Variants in METTL8 observed in about 807,000 individuals in gnomAD.
METTL8 encodes methyltransferase 8, tRNA N3-cytidine.
METTL8 carries 32 observed loss-of-function variants against 48.7 expected under a neutral mutation model. That is an observed-to-expected ratio of 0.66 (90% CI 0.50 to 0.88). The LOEUF (loss-of-function observed/expected upper bound fraction) is 0.88. Ranked by LOEUF, METTL8 falls within the 40% of genes least tolerant of loss-of-function variation. The pLI is 0.00. For synonymous variants in METTL8, 136 were observed against 157.1 expected, an observed-to-expected ratio of 0.87 and a Z score of 1.01; for missense variants, 464 against 474.4, an observed-to-expected ratio of 0.98 and a Z score of 0.20.
intron 2 of METTL8, among the ~76,000 whole-genome samples, chr2:171,388,417 C>A (rs917866378): frequency 9.9e-5 from 15 of 152,220 alleles, no homozygotes; most frequent in Admixed American, 8.5e-4. Flanking sequence ...GTCATTCCAA[C>A]CTTATCTTTC....
intron 1 of METTL8, among the ~76,000 whole-genome samples, chr2:171,403,997 T>C (rs1233880180): frequency 1.4e-5 from 2 of 140,054 alleles, no homozygotes; most frequent in African/African-American, 5.4e-5. Flanking sequence ...CCAAGATCCC[T>C]AGTGGATGCC....
chr2:171,345,619 T>G (rs1291731247), intron 3 of METTL8, among the ~76,000 whole-genome samples: 1 of 152,210 alleles, frequency 6.6e-6, no homozygotes, highest in Non-Finnish European at 1.5e-5. Flanking sequence ...ATATATTTTT[T>G]TCACATAGAA....
chr2:171,396,980 C>T (rs1574126231), intron 1 of METTL8, among the ~76,000 whole-genome samples: 1 of 150,460 alleles, frequency 6.6e-6, no homozygotes, highest in South Asian at 2.1e-4. Context: ...TGTACCACCA[C>T]ACCTGGCTAC....
At chr2:171,341,421 T>C (rs1403538245) in intron 3 of METTL8, among the ~76,000 whole-genome samples, 1 of 152,072 alleles carries the variant, frequency 6.6e-6, no homozygotes, top group Non-Finnish European at 1.5e-5. Flanking sequence ...ATATTTTTAG[T>C]AGAGACAGGG....
intron 3 of METTL8, among the ~76,000 whole-genome samples, chr2:171,349,196 T>C (rs919320323): frequency 1.3e-5 from 2 of 152,208 alleles, no homozygotes; most frequent in African/African-American, 4.8e-5. Flanking sequence ...CCCCAAATTA[T>C]ATATGTATTA....
At chr2:171,329,822 T>C (rs1685337313) in intron 7 of METTL8, among the ~76,000 whole-genome samples, 1 of 152,246 alleles carries the variant, frequency 6.6e-6, no homozygotes, top group Non-Finnish European at 1.5e-5. Context: ...ACCAGGGAAC[T>C]GTGAGAACCC....
At chr2:171,433,638 A>G (rs769736759) in intron 1 of METTL8, among the ~76,000 whole-genome samples, 2 of 152,256 alleles carry the variant, frequency 1.3e-5, no homozygotes, top group Non-Finnish European at 2.9e-5. Context: ...TAAGCATTTC[A>G]TATTTTATTC....
chr2:171,384,246 G>A (rs1016767047), intron 2 of METTL8, among the ~76,000 whole-genome samples: 2 of 152,202 alleles, frequency 1.3e-5, no homozygotes, highest in Non-Finnish European at 2.9e-5. Context: ...AGACTTAAAC[G>A]TCTGTAATCC....
At chr2:171,372,208 G>GT (rs894859478) in intron 2 of METTL8, among the ~76,000 whole-genome samples, 2 of 152,138 alleles carry the variant, frequency 1.3e-5, no homozygotes, top group African/African-American at 4.8e-5. Flanking sequence ...ATTTTGAGAA[G>GT]TTGGAATCAG....
At chr2:171,345,960 T>G (rs1174347030) in intron 3 of METTL8, among the ~76,000 whole-genome samples, 1 of 152,160 alleles carries the variant, frequency 6.6e-6, no homozygotes, top group Non-Finnish European at 1.5e-5. Context: ...AAAGGAAATG[T>G]GGAATTAAAA....
At chr2:171,400,796 A>C (rs940861693) in intron 1 of METTL8, among the ~76,000 whole-genome samples, 1 of 152,104 alleles carries the variant, frequency 6.6e-6, no homozygotes, top group African/African-American at 2.4e-5. Flanking sequence ...TTGCATTTTA[A>C]TACTACTAGA....
At chr2:171,349,761 A>G (rs1160627435) in intron 3 of METTL8, among the ~76,000 whole-genome samples, 3 of 152,222 alleles carry the variant, frequency 2.0e-5, no homozygotes, top group African/African-American at 7.2e-5. Context: ...TAGTAGCCAC[A>G]CCATTTTACA....
At chr2:171,380,685 T>A (rs1273806021) in intron 2 of METTL8, among the ~76,000 whole-genome samples, 3 of 152,138 alleles carry the variant, frequency 2.0e-5, no homozygotes, top group African/African-American at 7.2e-5. Context: ...GGAATACAGC[T>A]AACAAGGGGC....
intron 3 of METTL8, among the ~76,000 whole-genome samples, chr2:171,356,044 C>T (rs551404606): frequency 3.9e-5 from 6 of 152,304 alleles, no homozygotes; most frequent in South Asian, 2.1e-4. Context: ...AGAAATCACC[C>T]GTCTTCTGCA....
intron 2 of METTL8, chr2:171,375,062 A>G: frequency 8.8e-7 from 1 of 1,130,844 alleles, no homozygotes; most frequent in South Asian, 1.2e-5. Flanking sequence ...CTCACACAGT[A>G]ATATAGCTTC....
chr2:171,369,325 A>C (rs927032979), intron 2 of METTL8, among the ~76,000 whole-genome samples: 5 of 152,148 alleles, frequency 3.3e-5, no homozygotes, highest in Non-Finnish European at 2.9e-5. Flanking sequence ...ACAACAACAA[A>C]AAAACTCCTC....
intron 2 of METTL8, among the ~76,000 whole-genome samples, chr2:171,388,194 T>C (rs1217279727): frequency 6.6e-6 from 1 of 152,250 alleles, no homozygotes; most frequent in African/African-American, 2.4e-5. Flanking sequence ...CACCAAATTC[T>C]GTTTATTCTT....
intron 1 of METTL8, among the ~76,000 whole-genome samples, chr2:171,428,245 A>T (rs1002598519): frequency 6.6e-6 from 1 of 152,228 alleles, no homozygotes; most frequent in African/African-American, 2.4e-5. Context: ...TATCTACTTC[A>T]TAGGTAGAAG....
At chr2:171,338,443 G>A (rs1355524775) in intron 4 of METTL8, among the ~76,000 whole-genome samples, 1 of 151,952 alleles carries the variant, frequency 6.6e-6, no homozygotes, top group Non-Finnish European at 1.5e-5. Context: ...TTCAAAACCA[G>A]CCTGGCCAAC....
Sources: gnomAD v4.1 joint callset for allele counts (sites outside exome capture counted in the v4.1 genomes callset) on GRCh38, gnomAD v4.1.1 for gene constraint, MANE v1.5 for transcripts, NCBI Gene and HGNC (gene_info 2026-07-23, HGNC 2026-07-21) for gene names.